Variants in MED8 observed in about 807,000 individuals in gnomAD.
MED8 encodes the protein mediator of RNA polymerase II transcription subunit 8.
MED8 carries 22 observed loss-of-function variants against 34.8 expected under a neutral mutation model. The ratio of observed to expected loss-of-function variants is 0.63; its 90% CI spans 0.45 to 0.90. The LOEUF (loss-of-function observed/expected upper bound fraction) is 0.90, where lower values mean the gene tolerates loss of function less well. MED8 is among the 40% of genes least tolerant of loss of function. The pLI is 0.00. For missense variants in MED8, 260 were observed against 326.3 expected, an observed-to-expected ratio of 0.80 and a Z score of 1.57; for synonymous variants, 105 against 120.2, an observed-to-expected ratio of 0.87 and a Z score of 0.83.
chr1:43,386,116 G>C lies in MED8; in HGVS notation c.604C>G (p.Pro202Ala). ...SNWRPSGSSG[P>A]GQAGQPGAGT... is the part of the protein sequence containing the mutation. ...GCTCCTGGCTGGCCTGCCTGGCCAG[G>C]ACCACTGCTGCCTGAAGGTCTCCAA... The change falls in exon 6 of 7, where the codon CCT becomes GCT. Residue 202 changes from proline (P) to alanine (A), a missense_variant. Coordinates refer to ENST00000372457, the MANE Select transcript of MED8 (RefSeq NM_201542.5). The surrounding 1 kb of genome is among the most constrained non-coding windows in gnomAD (Gnocchi z 4.9). 1 of 1,614,002 alleles carries C rather than the reference G, an allele frequency of 6.2e-7. No individual in the cohort carries two copies. The highest frequency in any genetic ancestry group is 8.5e-7 in the Non-Finnish European group (1 of 1,179,892).
At chr1:43,389,658 CTCTCT>C (rs1256061277) in intron 1 of MED8, 96 bp downstream of exon 1, 5 of 1,517,498 alleles carry the variant, frequency 3.3e-6, no homozygotes, top group African/African-American at 2.9e-5. Flanking sequence ...GGGTTCTGCC[CTCTCT>C]TCTCAGTCCC....
At position 43,384,659 on chromosome 1, in the gene MED8, G is replaced by A. The variant is rs184453604; in HGVS notation, c.*383C>T. On this transcript the variant is annotated 3_prime_UTR_variant, in exon 7 of 7. Coordinates refer to ENST00000372457, the MANE Select transcript of MED8 (RefSeq NM_201542.5). ...TTGTGTCCATCAGCTCACCATTGACGTGAGGCAGTATCAGATTAGGGTAAG... is the reference window on the plus strand; with the variant it reads ...TTGTGTCCATCAGCTCACCATTGACATGAGGCAGTATCAGATTAGGGTAAG... 9.5e-6 allele frequency: 14 copies of A among 1,472,346 alleles called. No homozygotes were observed. Among genetic ancestry groups the A allele is most frequent in the Admixed American group, 7.9e-5 (3 of 37,888 alleles). 91.2% of individuals were successfully genotyped at this position (1,472,346 alleles called of 1,614,324 possible).
chr1:43,388,245 TATTC>T, intron 2 of MED8, 61 bp downstream of exon 2: 1 of 1,444,004 alleles, frequency 6.9e-7, no homozygotes, highest in Non-Finnish European at 9.6e-7. Context: ...AGAAATGTCC[TATTC>T]ATCAGGAGGC....
At position 43,389,740 on chromosome 1, in the gene MED8, C is replaced by A. The variant is rs777551193; in HGVS notation, c.6+19G>T. ...ACCCGAAGCTTGCCAGCCGCTAGTA[C>A]GCCCAACGCAACTCTCACCTGCATT... On this transcript the variant is annotated intron_variant, in intron 1 of 6. Coordinates refer to ENST00000372457, the MANE Select transcript of MED8 (RefSeq NM_201542.5). 7 of 1,605,106 alleles carry A rather than the reference C, an allele frequency of 4.4e-6. No individual in the cohort carries two copies. The highest frequency in any genetic ancestry group is 2.2e-5 in the South Asian group (2 of 89,716).
rs1186896675 is a variant in MED8, at chr1:43,388,285, C to G, written c.125+25G>C. On this transcript the variant is annotated intron_variant, in intron 2 of 6. Coordinates refer to ENST00000372457, the MANE Select transcript of MED8 (RefSeq NM_201542.5). ...TAGGCCCCCCCACCCATAAGCCCTT[C>G]CTAGCTTGCCCTGGTAACTCTTACC... 2.5e-6 allele frequency: 4 copies of G among 1,611,018 alleles called. No homozygotes were observed. In the East Asian group the frequency reaches 8.9e-5, roughly 36 times the overall value.
In MED8 at chr1:43,386,764, A is replaced by C; in HGVS notation, c.411+94T>G. The C allele has an allele frequency of 1.9e-6, 3 of 1,599,378 alleles. No individual in the cohort carries two copies. Among genetic ancestry groups the C allele is most frequent in the Non-Finnish European group, 2.6e-6 (3 of 1,171,882 alleles). On this transcript the variant is annotated intron_variant, in intron 4 of 6. Coordinates refer to ENST00000372457, the MANE Select transcript of MED8 (RefSeq NM_201542.5). The surrounding 1 kb of genome is among the most constrained non-coding windows in gnomAD (Gnocchi z 4.9). ...GTTCTGCCAGAAGCAACTTAGGCGCAACCAACTATGTATCCCTACTAGACA... is the reference window on the plus strand; with the variant it reads ...GTTCTGCCAGAAGCAACTTAGGCGCCACCAACTATGTATCCCTACTAGACA...
chr1:43,389,521 T>C (rs908684240), intron 1 of MED8, among the ~76,000 whole-genome samples: 2 of 152,106 alleles, frequency 1.3e-5, no homozygotes, highest in African/African-American at 2.4e-5. Flanking sequence ...AGCAAACAGG[T>C]GCTGCCTCCT....
chr1:43,389,729 A>G, intron 1 of MED8, 30 bp downstream of exon 1: 3 of 1,602,986 alleles, frequency 1.9e-6, no homozygotes, highest in Non-Finnish European at 2.6e-6. Context: ...GAAGCTTGCC[A>G]GCCGCTAGTA....
rs141127630 is a variant in MED8, at chr1:43,386,286, G to A, written c.494-60C>T. On this transcript the variant is annotated intron_variant, in intron 5 of 6. Coordinates refer to ENST00000372457, the MANE Select transcript of MED8 (RefSeq NM_201542.5). This position sits in a 1 kb window ranked among gnomAD's most constrained non-coding sequence, Gnocchi z 4.9. ...TTCTGATGCAGGACTGAACGTGGCA[G>A]CTGGAAGACCAGTATGAGTGCCAGG... 1.3e-6 allele frequency: 2 copies of A among 1,569,370 alleles called. No homozygotes were observed. Among genetic ancestry groups the A allele is most frequent in the East Asian group, 2.2e-5 (1 of 44,482 alleles).
At position 43,388,357 on chromosome 1, in the gene MED8, C is replaced by T. The variant is rs1224018789; in HGVS notation, c.78G>A (p.Leu26=). The T allele has an allele frequency of 1.1e-5, 17 of 1,613,702 alleles. No homozygotes were observed. Among genetic ancestry groups the T allele is most frequent in the Non-Finnish European group, 1.4e-5 (17 of 1,179,878 alleles). The stretch of plus-strand genomic sequence containing the variant: ...TCTCCAACTTGCAAATGAAACTCCC[C>T]AGAGAGTTCTTCAGATCAGCCACTT... ...LSQVADLKNS[L]GSFICKLENE... Residue 26 remains leucine, a synonymous_variant, in exon 2 of 7, where the codon CTG becomes CTA. Coordinates refer to ENST00000372457, the MANE Select transcript of MED8 (RefSeq NM_201542.5).
chr1:43,386,710 G>A lies in MED8; in HGVS notation c.412-40C>T, dbSNP rs1424657322. 6.3e-7 allele frequency: 1 copy of A among 1,594,410 alleles called. No homozygotes were observed. Among genetic ancestry groups the A allele is most frequent in the Admixed American group, 1.8e-5 (1 of 56,180 alleles). ...TTTGTGCAGAGATTAGGGTAACTAG[G>A]AAACGATATGGAGAAATTTATTCCT... On this transcript the variant is annotated intron_variant, in intron 4 of 6. Transcript: ENST00000372457. The surrounding 1 kb of genome is among the most constrained non-coding windows in gnomAD (Gnocchi z 4.9).
intron 3 of MED8, 145 bp downstream of exon 3, chr1:43,387,358 G>A (rs1446070170): frequency 1.5e-5 from 16 of 1,053,988 alleles, no homozygotes; most frequent in Non-Finnish European, 2.0e-5. Context: ...CTATTTGGGA[G>A]TGGCTCTCCC....
intron 6 of MED8, 97 bp downstream of exon 6, chr1:43,385,881 A>G (rs1647709308): frequency 6.6e-7 from 1 of 1,512,170 alleles, no homozygotes; most frequent in African/African-American, 1.4e-5. Context: ...AATAGAGAAA[A>G]CCTCTAGGTC....
chr1:43,385,622 G>T, intron 6 of MED8: 1 of 302,146 alleles, frequency 3.3e-6, no homozygotes, highest in East Asian at 9.0e-5. Flanking sequence ...AATTCCTGAT[G>T]CACCTACCAA....
chr1:43,387,510 T>A lies in MED8; in HGVS notation c.263A>T (p.Asp88Val). 6.2e-7 allele frequency: 1 copy of A among 1,614,024 alleles called. No individual in the cohort carries two copies. Among genetic ancestry groups the A allele is most frequent in the Non-Finnish European group, 8.5e-7 (1 of 1,179,884 alleles). Residue 88 changes from aspartate to valine, a missense_variant, in exon 3 of 7, where the codon GAT becomes GTT. Transcript: ENST00000372457. ...PLVLSPDRDEDLMRQTEGRVP... is the reference protein window; with the variant it reads ...PLVLSPDRDEVLMRQTEGRVP... ...TTCTTTTTCTCCTCTTACCATGAGA[T>A]CTTCATCTCGGTCTGGAGACAACAC... is the stretch of plus-strand genomic sequence containing the variant.
Position 43,384,285 on chromosome 1 carries a change from T to G in MED8, c.*757A>C. 1 of 804,554 alleles carries G rather than the reference T, an allele frequency of 1.2e-6. No homozygotes were observed. Among genetic ancestry groups the G allele is most frequent in the South Asian group, 2.5e-5 (1 of 40,588 alleles). 49.8% of individuals were successfully genotyped at this position (804,554 alleles called of 1,614,324 possible). On this transcript the variant is annotated 3_prime_UTR_variant, in exon 7 of 7. Transcript: ENST00000372457. Reference sequence around the variant, plus strand: ...ATCCAGGGGAAGGGGCTTTTTCGTGTGCTAAGGAAAAACCCTTTCCCACAT... The same window carrying G: ...ATCCAGGGGAAGGGGCTTTTTCGTGGGCTAAGGAAAAACCCTTTCCCACAT...
chr1:43,385,767 C>G, intron 6 of MED8: 1 of 657,072 alleles, frequency 1.5e-6, no homozygotes, highest in South Asian at 1.9e-5. Flanking sequence ...GGAGCAGTTT[C>G]TGTTACTCAA....
In MED8 at chr1:43,386,767, CAACT is replaced by C. The variant is rs1359475887; in HGVS notation, c.411+87_411+90del. 1.9e-5 allele frequency: 31 copies of C among 1,600,014 alleles called. No individual in the cohort carries two copies. Among genetic ancestry groups the C allele is most frequent in the Non-Finnish European group, 2.6e-5 (31 of 1,172,302 alleles). The stretch of plus-strand genomic sequence containing the variant: ...CTGCCAGAAGCAACTTAGGCGCAAC[CAACT>C]ATGTATCCCTACTAGACAGGAATGG... On this transcript the variant is annotated intron_variant, in intron 4 of 6. Transcript: ENST00000372457. The surrounding 1 kb of genome is among the most constrained non-coding windows in gnomAD (Gnocchi z 4.9).
intron 2 of MED8, among the ~76,000 whole-genome samples, chr1:43,387,918 C>T (rs989549015): frequency 3.9e-5 from 6 of 152,216 alleles, no homozygotes; most frequent in African/African-American, 1.2e-4. Flanking sequence ...CAGGGCTACA[C>T]TGTTATAACT....
Sources: gnomAD v4.1 joint callset for allele counts (sites outside exome capture counted in the v4.1 genomes callset) on GRCh38, gnomAD v4.1.1 for gene constraint, Gnocchi (gnomAD v3.1) non-coding constraint, MANE v1.5 for transcripts, NCBI Gene and HGNC (gene_info 2026-07-23, HGNC 2026-07-21) for gene names.